The following TRAT1 variants were observed in gnomAD, a reference collection of about 807,000 sequenced individuals.
The protein encoded by TRAT1 is T-cell receptor-associated transmembrane adapter 1.
A neutral mutation model predicts 20.0 loss-of-function variants in TRAT1; 20 were observed. The ratio of observed to expected loss-of-function variants is 1.00; its 90% CI spans 0.70 to 1.45. TRAT1 has a LOEUF of 1.45. Ranked by LOEUF, TRAT1 falls within the 40% of genes most tolerant of loss-of-function variation. The pLI is 0.00. For synonymous variants in TRAT1, 77 were observed against 74.2 expected (o/e 1.04, Z -0.20); for missense variants, 237 against 224.1 (o/e 1.06, Z -0.37).
intron 2 of TRAT1, among the ~76,000 whole-genome samples, chr3:108,835,610 C>A (rs1435167746): frequency 1.3e-5 from 2 of 152,154 alleles, no homozygotes; most frequent in African/African-American, 4.8e-5. Context: ...GGCTCAGCTG[C>A]AGATTATACA....
chr3:108,824,446 G>A (rs1213008093), intron 1 of TRAT1, among the ~76,000 whole-genome samples: 1 of 152,034 alleles, frequency 6.6e-6, no homozygotes, highest in African/African-American at 2.4e-5. Flanking sequence ...TGTTCAATAT[G>A]CATTACTTTG....
At position 108,833,831 on chromosome 3, in the gene TRAT1, C is replaced by T. The variant is rs191336268; in HGVS notation, c.118+3051C>T. ...ACACACACACACACACACACACACACATCTTTGCATAGTGCTGGGGACTTA... is the reference window on the plus strand; with the variant it reads ...ACACACACACACACACACACACACATATCTTTGCATAGTGCTGGGGACTTA... On this transcript the variant is annotated intron_variant, in intron 2 of 5. Coordinates refer to ENST00000295756, the MANE Select transcript of TRAT1 (RefSeq NM_016388.4). Among the ~76,000 whole-genome samples, 918 of 148,860 alleles carry T rather than the reference C, an allele frequency of 6.2e-3. 11 individuals carry two copies. The highest frequency in any genetic ancestry group is 6.6e-3 in the Non-Finnish European group (440 of 66,974).
chr3:108,834,273 C>G (rs114316471), intron 2 of TRAT1, among the ~76,000 whole-genome samples: 1,707 of 152,304 alleles, frequency 0.011, 22 homozygotes, highest in African/African-American at 0.039. Context: ...GGAGCATACA[C>G]TGGAACTTGC....
intron 2 of TRAT1, 147 bp downstream of exon 2, chr3:108,830,927 G>A (rs140306659): frequency 0.012 from 7,312 of 608,732 alleles, 161 homozygotes; most frequent in African/African-American, 0.066. Flanking sequence ...AATTTTTCTC[G>A]CCCAAAGGGT....
chr3:108,850,717 G>A (rs1212822216), intron 5 of TRAT1, among the ~76,000 whole-genome samples: 1 of 152,120 alleles, frequency 6.6e-6, no homozygotes, highest in Non-Finnish European at 1.5e-5. Flanking sequence ...TAAACATATG[G>A]AAAACCTGCA....
At chr3:108,826,527 G>C (rs983484772) in intron 1 of TRAT1, among the ~76,000 whole-genome samples, 5 of 152,136 alleles carry the variant, frequency 3.3e-5, no homozygotes, top group African/African-American at 1.2e-4. Context: ...GGTTGGGATT[G>C]TGCGTGTAGT....
At position 108,829,586 on chromosome 3, in the gene TRAT1, A is replaced by AAC. The variant is rs144318236; in HGVS notation, c.8-1054_8-1053dup. Among the ~76,000 whole-genome samples the AAC allele has an allele frequency of 4.8e-3, 679 of 142,550 alleles. 6 individuals are homozygous for AAC. Among genetic ancestry groups the AAC allele is most frequent in the Middle Eastern group, 0.025 (7 of 278 alleles). The allele number at this position is 142,550 out of a possible 152,430, so 93.5% of individuals were successfully genotyped here. A position where few individuals can be genotyped will look rare whatever the true frequency, so the allele number is the denominator to read the frequency against. On this transcript the variant is annotated intron_variant, in intron 1 of 5. Coordinates refer to ENST00000295756, the MANE Select transcript of TRAT1 (RefSeq NM_016388.4). ...GCGAAAGAGCAAGACTCCATCTCAA[A>AAC]ACACACACACACACACACACACACA...
At chr3:108,849,959 T>C (rs1945982840) in intron 5 of TRAT1, among the ~76,000 whole-genome samples, 1 of 152,208 alleles carries the variant, frequency 6.6e-6, no homozygotes, top group Admixed American at 6.5e-5. Context: ...AAATAGTTTT[T>C]CTTCTCCTCT....
At chr3:108,826,887 A>T (rs915922510) in intron 1 of TRAT1, among the ~76,000 whole-genome samples, 2 of 152,144 alleles carry the variant, frequency 1.3e-5, no homozygotes, top group African/African-American at 2.4e-5. Flanking sequence ...CTTCTGTGTA[A>T]ATCAAATCTG....
chr3:108,848,272 T>G (rs568184719), intron 4 of TRAT1, among the ~76,000 whole-genome samples: 3 of 152,312 alleles, frequency 2.0e-5, no homozygotes, highest in African/African-American at 7.2e-5. Context: ...GATGCAGATT[T>G]TCCATGGACC....
rs1284946946 is a variant in TRAT1, at chr3:108,853,898, A to G, written c.*21A>G. 6.2e-6 allele frequency: 10 copies of G among 1,609,794 alleles called. No individual in the cohort carries two copies. The highest frequency in any genetic ancestry group is 8.5e-6 in the Non-Finnish European group (10 of 1,177,010). ...ACTAGCTGGACCATGATCTAGTTCA[A>G]TGATTTGGCTCCTATTGAAGATGGC... On this transcript the variant is annotated 3_prime_UTR_variant, in exon 6 of 6. Transcript: ENST00000295756.
At chr3:108,827,340 A>G (rs1945749980) in intron 1 of TRAT1, among the ~76,000 whole-genome samples, 1 of 151,686 alleles carries the variant, frequency 6.6e-6, no homozygotes, top group Non-Finnish European at 1.5e-5. Flanking sequence ...TTTATACTGC[A>G]TATTTAGAAT....
intron 3 of TRAT1, among the ~76,000 whole-genome samples, chr3:108,840,214 C>G (rs375075947): frequency 2.6e-4 from 39 of 152,222 alleles, no homozygotes; most frequent in African/African-American, 8.9e-4. Flanking sequence ...CTACTCTTAA[C>G]ATTGAATTAT....
At chr3:108,853,406 G>C (rs1255835353) in intron 5 of TRAT1, among the ~76,000 whole-genome samples, 2 of 152,130 alleles carry the variant, frequency 1.3e-5, no homozygotes, top group South Asian at 4.1e-4. Context: ...CTAGGAAAAA[G>C]TTTCATCTAA....
chr3:108,835,714 T>C (rs370376091), intron 2 of TRAT1, among the ~76,000 whole-genome samples: 1 of 152,146 alleles, frequency 6.6e-6, no homozygotes, highest in African/African-American at 2.4e-5. Flanking sequence ...TTTTCTTTAT[T>C]TTCCCCCCAA....
intron 3 of TRAT1, among the ~76,000 whole-genome samples, chr3:108,841,504 G>A (rs1053317517): frequency 2.6e-5 from 4 of 151,968 alleles, no homozygotes; most frequent in African/African-American, 7.2e-5. Flanking sequence ...TATGTTTCTC[G>A]GGTGGGGCTT....
chr3:108,829,040 T>G (rs972860361), intron 1 of TRAT1, among the ~76,000 whole-genome samples: 6 of 152,188 alleles, frequency 3.9e-5, no homozygotes, highest in Non-Finnish European at 8.8e-5. Flanking sequence ...GGTCCCAAAG[T>G]ATATACTATA....
chr3:108,828,637 T>G (rs563304098), intron 1 of TRAT1, among the ~76,000 whole-genome samples: 2 of 152,310 alleles, frequency 1.3e-5, no homozygotes, highest in African/African-American at 4.8e-5. Flanking sequence ...GAAATTAATG[T>G]ATTCAATGAA....
chr3:108,825,742 C>T (rs1301207543), intron 1 of TRAT1, among the ~76,000 whole-genome samples: 1 of 152,104 alleles, frequency 6.6e-6, no homozygotes, highest in Non-Finnish European at 1.5e-5. Flanking sequence ...TTTTTGATTA[C>T]ACTTAATCTT....
Sources: gnomAD v4.1 joint callset for allele counts (sites outside exome capture counted in the v4.1 genomes callset) on GRCh38, gnomAD v4.1.1 for gene constraint, MANE v1.5 for transcripts, NCBI Gene and HGNC (gene_info 2026-07-23, HGNC 2026-07-21) for gene names.